Variants in ZNF521 observed in about 807,000 individuals in gnomAD.
ZNF521 encodes zinc finger protein 521, also known as LYST-interacting protein 3.
ZNF521 carries 14 observed loss-of-function variants against 105.5 expected under a neutral mutation model. That is an observed-to-expected ratio of 0.13 (90% confidence interval 0.09 to 0.21). The LOEUF (loss-of-function observed/expected upper bound fraction) is 0.21. Ranked by LOEUF, ZNF521 falls within the 10% of genes least tolerant of loss-of-function variation. ZNF521 has a pLI of 1.00. For missense variants in ZNF521, 1,233 were observed against 1,629.7 expected (o/e 0.76, Z 4.19); for synonymous variants, 635 against 606.0 (o/e 1.05, Z -0.70).
chr18:25,300,848 C>T (rs9954092), intron 3 of ZNF521, among the ~76,000 whole-genome samples: 9,420 of 152,232 alleles, frequency 0.062, 342 homozygotes, highest in African/African-American at 0.092. Context: ...TACTTTCCCA[C>T]CCTCAAAGAT....
At chr18:25,165,642 A>G (rs2144538839) in intron 5 of ZNF521, among the ~76,000 whole-genome samples, 1 of 152,330 alleles carries the variant, frequency 6.6e-6, no homozygotes, top group Non-Finnish European at 1.5e-5. Flanking sequence ...TCAAAGTAAT[A>G]AGTTCTGTGG....
At chr18:25,242,114 G>A (rs1013285255) in intron 3 of ZNF521, among the ~76,000 whole-genome samples, 7 of 152,124 alleles carry the variant, frequency 4.6e-5, no homozygotes, top group Admixed American at 6.6e-5. Flanking sequence ...AACCTGTTAT[G>A]TCCAATCTGT....
At chr18:25,333,692 C>G (rs984967383) in intron 2 of ZNF521, among the ~76,000 whole-genome samples, 2 of 152,166 alleles carry the variant, frequency 1.3e-5, no homozygotes, top group South Asian at 4.2e-4. Context: ...CCATCTTTCA[C>G]AGCCATGAAG....
intron 3 of ZNF521, among the ~76,000 whole-genome samples, chr18:25,240,043 C>T (rs143377383): frequency 1.3e-5 from 2 of 152,164 alleles, no homozygotes; most frequent in South Asian, 2.1e-4. Context: ...AAGCAGTGCA[C>T]TCTATTGTCG....
intron 5 of ZNF521, among the ~76,000 whole-genome samples, chr18:25,104,453 T>G (rs1454387932): frequency 6.6e-6 from 1 of 152,188 alleles, no homozygotes; most frequent in Non-Finnish European, 1.5e-5. Flanking sequence ...GACTGTAAAG[T>G]TTATTTCCTT....
chr18:25,234,804 T>G (rs186509746), intron 3 of ZNF521, among the ~76,000 whole-genome samples: 1 of 151,966 alleles, frequency 6.6e-6, no homozygotes, highest in Admixed American at 6.6e-5. Context: ...ATTCTAAAAA[T>G]TTTTAATGAC....
At chr18:25,195,926 G>A (rs1392024844) in intron 4 of ZNF521, among the ~76,000 whole-genome samples, 1 of 151,672 alleles carries the variant, frequency 6.6e-6, no homozygotes, top group Non-Finnish European at 1.5e-5. Flanking sequence ...AAGAAACTGA[G>A]GTCCAGAGAA....
intron 3 of ZNF521, among the ~76,000 whole-genome samples, chr18:25,313,605 G>A (rs762933331): frequency 6.6e-6 from 1 of 152,112 alleles, no homozygotes; most frequent in Non-Finnish European, 1.5e-5. Context: ...ATTCTCTCTG[G>A]AGGTTTTGTG....
chr18:25,193,540 T>A (rs2035853681), intron 5 of ZNF521, among the ~76,000 whole-genome samples: 1 of 151,968 alleles, frequency 6.6e-6, no homozygotes. Context: ...ACCAACACAG[T>A]CTACTCAAGA....
intron 5 of ZNF521, among the ~76,000 whole-genome samples, chr18:25,123,572 A>G (rs2144359757): frequency 6.6e-6 from 1 of 152,304 alleles, no homozygotes; most frequent in Middle Eastern, 3.4e-3. Flanking sequence ...AGTCTCCTCA[A>G]TCACAACCCT....
intron 3 of ZNF521, among the ~76,000 whole-genome samples, chr18:25,230,801 C>T (rs1482756276): frequency 6.6e-6 from 1 of 152,176 alleles, no homozygotes; most frequent in Non-Finnish European, 1.5e-5. Context: ...AGAGCTGTAG[C>T]TCTTACTGCC....
chr18:25,218,763 G>A (rs4455051), intron 4 of ZNF521, among the ~76,000 whole-genome samples: 50,760 of 151,278 alleles, frequency 0.34, 9,471 homozygotes, highest in South Asian at 0.5. Flanking sequence ...CAGGAGAATC[G>A]CTTGAACCTG....
chr18:25,168,627 A>T (rs2035391614), intron 5 of ZNF521, among the ~76,000 whole-genome samples: 1 of 152,194 alleles, frequency 6.6e-6, no homozygotes, highest in African/African-American at 2.4e-5. Flanking sequence ...TATCTCCACA[A>T]AAGAGATAGT....
At chr18:25,093,188 T>C (rs1251063960) in intron 5 of ZNF521, among the ~76,000 whole-genome samples, 2 of 152,124 alleles carry the variant, frequency 1.3e-5, no homozygotes, top group African/African-American at 4.8e-5. Flanking sequence ...GAGCCAGAAC[T>C]TGAACGCAGG....
chr18:25,092,218 G>T, intron 5 of ZNF521, 137 bp from the exon 6 acceptor site: 1 of 988,856 alleles, frequency 1.0e-6, no homozygotes, highest in South Asian at 2.1e-5. Flanking sequence ...ATGGTTTCTG[G>T]TTATTTCACA....
At chr18:25,249,004 G>T (rs1907921732) in intron 3 of ZNF521, among the ~76,000 whole-genome samples, 1 of 152,074 alleles carries the variant, frequency 6.6e-6, no homozygotes, top group South Asian at 2.1e-4. Context: ...AAACCATATG[G>T]CTCACAGAAC....
At chr18:25,277,152 C>T (rs1910084009) in intron 3 of ZNF521, among the ~76,000 whole-genome samples, 2 of 148,178 alleles carry the variant, frequency 1.3e-5, no homozygotes, top group South Asian at 4.3e-4. Flanking sequence ...CACTGCACTC[C>T]AGCCTGAGTG....
At chr18:25,316,995 C>T (rs1378262603) in intron 3 of ZNF521, among the ~76,000 whole-genome samples, 1 of 152,076 alleles carries the variant, frequency 6.6e-6, no homozygotes, top group Non-Finnish European at 1.5e-5. Context: ...GCTGTGACTA[C>T]AGGCGTGCGC....
chr18:25,321,470 A>C (rs570298425), intron 3 of ZNF521, among the ~76,000 whole-genome samples: 1 of 152,364 alleles, frequency 6.6e-6, no homozygotes, highest in East Asian at 1.9e-4. Flanking sequence ...AGAATGAATA[A>C]GACACAGTTT....
Sources: gnomAD v4.1 joint callset for allele counts (sites outside exome capture counted in the v4.1 genomes callset) on GRCh38, gnomAD v4.1.1 for gene constraint, MANE v1.5 for transcripts, NCBI Gene and HGNC (gene_info 2026-07-23, HGNC 2026-07-21) for gene names.